Variants in TENM1 observed in about 807,000 individuals in gnomAD.
TENM1 encodes the protein teneurin-1.
Under a neutral mutation model 174.8 loss-of-function variants are expected in TENM1, and 35 were observed. That is an observed-to-expected ratio of 0.20 (90% confidence interval 0.15 to 0.27). TENM1 has a LOEUF of 0.27. TENM1 is among the 10% of genes least tolerant of loss of function. TENM1 has a pLI of 1.00. For missense variants in TENM1, 1,633 were observed against 2,130.1 expected (o/e 0.77, Z 4.59); for synonymous variants, 781 against 798.7 (o/e 0.98, Z 0.37).
At chrX:124,726,625 C>T (rs186701638) in intron 4 of TENM1, among the ~76,000 whole-genome samples, 2 of 111,639 alleles carry the variant, frequency 1.8e-5, no homozygotes, top group Admixed American at 9.5e-5. Context: ...AGGATTAAAG[C>T]CTGAGATACT....
At chrX:125,170,480 T>G in the TENM1 span, among the ~76,000 whole-genome samples, 17 of 111,578 alleles carry the variant, frequency 1.5e-4, no homozygotes, top group African/African-American at 5.2e-4. Context: ...AGGGGTTTCC[T>G]CCCCTATTTT....
At chrX:125,162,771 C>T in the TENM1 span, among the ~76,000 whole-genome samples, 1 of 111,650 alleles carries the variant, frequency 9.0e-6, no homozygotes, top group East Asian at 2.8e-4. Context: ...AGATGACTCC[C>T]ATATCTACAT....
chrX:124,661,934 C>A (rs1343229583), intron 6 of TENM1, among the ~76,000 whole-genome samples: 1 of 111,114 alleles, frequency 9.0e-6, no homozygotes, highest in Non-Finnish European at 1.9e-5. Context: ...ATAATAGATG[C>A]TACCACACTT....
chrX:124,715,266 C>A (rs1273140790), intron 4 of TENM1, among the ~76,000 whole-genome samples: 1 of 111,221 alleles, frequency 9.0e-6, no homozygotes, highest in Admixed American at 9.5e-5. Context: ...GGAATGCCAC[C>A]CTATAGTTTT....
At chrX:125,109,913 T>C in the TENM1 span, among the ~76,000 whole-genome samples, 2 of 111,559 alleles carry the variant, frequency 1.8e-5, no homozygotes, top group Non-Finnish European at 1.9e-5. Flanking sequence ...TGGGGATCCA[T>C]TGGAGATTGT....
intron 3 of TENM1, among the ~76,000 whole-genome samples, chrX:124,823,310 G>A (rs943255388): frequency 8.9e-6 from 1 of 111,967 alleles, no homozygotes; most frequent in African/African-American, 3.2e-5. Context: ...CTGGCATGAG[G>A]CAGTGATCAT....
intron 3 of TENM1, among the ~76,000 whole-genome samples, chrX:124,842,839 TG>T (rs1475910845): frequency 9.0e-6 from 1 of 111,210 alleles, no homozygotes; most frequent in East Asian, 2.8e-4. Context: ...CATAGCATAC[TG>T]GTTTCATTTT....
At chrX:124,974,337 A>C in the TENM1 span, among the ~76,000 whole-genome samples, 1 of 111,899 alleles carries the variant, frequency 8.9e-6, no homozygotes, top group Non-Finnish European at 1.9e-5. Context: ...CATTCAAACC[A>C]TAACAATGGC....
At chrX:124,589,937 T>C (rs997335988) in intron 11 of TENM1, among the ~76,000 whole-genome samples, 1 of 111,619 alleles carries the variant, frequency 9.0e-6, no homozygotes, top group African/African-American at 3.3e-5. Flanking sequence ...GTTTTAGTCA[T>C]TTATTTTCTT....
chrX:124,867,019 AG>A (rs2057021655), intron 3 of TENM1, among the ~76,000 whole-genome samples: 1 of 111,321 alleles, frequency 9.0e-6, no homozygotes, highest in African/African-American at 3.3e-5. Flanking sequence ...CTCCCAGAAA[AG>A]AAAAGCCTGG....
intron 6 of TENM1, among the ~76,000 whole-genome samples, chrX:124,664,835 T>G (rs766162435): frequency 4.0e-4 from 44 of 110,068 alleles, no homozygotes; most frequent in Admixed American, 1.7e-3. Flanking sequence ...CTGTATGCAT[T>G]GAGATTTTTA....
intron 10 of TENM1, among the ~76,000 whole-genome samples, chrX:124,644,069 G>A (rs866173650): frequency 1.1e-5 from 1 of 91,586 alleles, no homozygotes; most frequent in African/African-American, 4.0e-5. Context: ...ATATATATAT[G>A]TGTATATATA....
the TENM1 span, among the ~76,000 whole-genome samples, chrX:125,122,934 G>A: frequency 5.4e-5 from 6 of 111,284 alleles, no homozygotes; most frequent in Admixed American, 2.9e-4. Flanking sequence ...TAAAAATCTT[G>A]AATATTCATA....
the TENM1 span, among the ~76,000 whole-genome samples, chrX:125,010,866 T>G: frequency 1.9e-5 from 2 of 104,310 alleles, no homozygotes; most frequent in Non-Finnish European, 3.9e-5. Context: ...AAAGAGGCCA[T>G]ATAGCCAAGA....
At chrX:124,748,359 G>T (rs190199308) in intron 3 of TENM1, among the ~76,000 whole-genome samples, 141 of 109,196 alleles carry the variant, frequency 1.3e-3, no homozygotes, top group Middle Eastern at 4.9e-3. Context: ...TATATATAGA[G>T]AGAGAGATTA....
At chrX:124,541,365 T>C (rs1210579464) in intron 15 of TENM1, among the ~76,000 whole-genome samples, 1 of 112,367 alleles carries the variant, frequency 8.9e-6, no homozygotes, top group African/African-American at 3.2e-5. Context: ...CACCTCTTGG[T>C]GCTGTCATCA....
At chrX:125,149,971 A>G in the TENM1 span, among the ~76,000 whole-genome samples, 2 of 111,591 alleles carry the variant, frequency 1.8e-5, no homozygotes, top group East Asian at 5.6e-4. Flanking sequence ...TTCAGTAACC[A>G]ACACATGCTT....
intron 8 of TENM1, among the ~76,000 whole-genome samples, chrX:124,649,826 C>G (rs939789492): frequency 1.8e-5 from 2 of 111,763 alleles, no homozygotes; most frequent in South Asian, 7.5e-4. Context: ...GCGTTTAGAG[C>G]AAATTCATAC....
chrX:124,962,285 G>A lies in TENM1; in HGVS notation c.217+1252C>T, dbSNP rs2058665604. On this transcript the variant is annotated intron_variant, in intron 1 of 31. Coordinates refer to ENST00000422452, the Ensembl canonical transcript of TENM1. ...AAGCCATCTGAGTAAAAATATTTCG[G>A]GGTTCAAGCAGTAATCTTCAATCTT... 3.6e-5 allele frequency among the ~76,000 whole-genome samples: 4 copies of A among 111,325 alleles called. No individual in the cohort carries two copies. In the South Asian group the frequency reaches 1.5e-3, roughly 43 times the overall value.
Sources: allele counts gnomAD v4.1 joint callset (sites outside exome capture counted in the v4.1 genomes callset), GRCh38; gene constraint gnomAD v4.1.1; transcripts MANE v1.5; gene names NCBI Gene and HGNC (gene_info 2026-07-23, HGNC 2026-07-21).